Variants in RAD54L2 observed in about 807,000 individuals in gnomAD.
RAD54L2 encodes helicase ARIP4.
In RAD54L2, 27 loss-of-function variants were observed where a neutral mutation model predicts 138.4. The observed-to-expected ratio is 0.20, with a 90% CI of 0.14 to 0.27. RAD54L2 has a LOEUF of 0.27. Ranked by LOEUF, RAD54L2 falls within the 10% of genes least tolerant of loss-of-function variation. The probability of loss-of-function intolerance (pLI) is 1.00; values close to 1 mark genes in which losing one functional copy is unlikely to be tolerated. For synonymous variants in RAD54L2, 644 were observed against 723.2 expected, an observed-to-expected ratio of 0.89 and a Z score of 1.76; for missense variants, 1,396 against 1,890.2, an observed-to-expected ratio of 0.74 and a Z score of 4.85.
At chr3:51,655,160 A>G (rs1051497587) in intron 19 of RAD54L2, among the ~76,000 whole-genome samples, 1 of 152,072 alleles carries the variant, frequency 6.6e-6, no homozygotes, top group African/African-American at 2.4e-5. Flanking sequence ...GTGTTATTTT[A>G]TGTGCCAATC....
intron 7 of RAD54L2, among the ~76,000 whole-genome samples, chr3:51,631,972 T>C (rs886372183): frequency 2.6e-5 from 4 of 152,108 alleles, no homozygotes; most frequent in Admixed American, 1.3e-4. Flanking sequence ...CCAACGTCTC[T>C]TCCTCCCCCT....
chr3:51,587,174 C>T (rs972044032), intron 2 of RAD54L2, among the ~76,000 whole-genome samples: 6 of 151,842 alleles, frequency 4.0e-5, no homozygotes, highest in Middle Eastern at 3.4e-3. Flanking sequence ...GATCTCGGCT[C>T]ACTGCAAGCT....
In RAD54L2 at chr3:51,662,372, C is replaced by A. The variant is rs1701801121; in HGVS notation, c.3410-54C>A. ...TTTTTAATGGAGTTTTCTCCTCTAC[C>A]CTTCTTCTCTCCCTGGCCACTCTGA... is the stretch of plus-strand genomic sequence containing the variant. On this transcript the variant is annotated intron_variant, in intron 22 of 22. Transcript: ENST00000684192. The surrounding 1 kb of genome is among the most constrained non-coding windows in gnomAD (Gnocchi z 4.6). The A allele has an allele frequency of 7.0e-7, 1 of 1,427,108 alleles. No individual in the cohort carries two copies. Among genetic ancestry groups the A allele is most frequent in the Non-Finnish European group, 9.3e-7 (1 of 1,070,506 alleles). The allele number at this position is 1,427,108 out of a possible 1,614,324, so 88.4% of individuals were successfully genotyped here.
chr3:51,626,645 G>A (rs1024010986), intron 3 of RAD54L2, among the ~76,000 whole-genome samples: 3 of 150,954 alleles, frequency 2.0e-5, no homozygotes, highest in Admixed American at 6.6e-5. Flanking sequence ...GGGTTTTGCC[G>A]TGTTTGCCAG....
At chr3:51,659,985 A>G (rs1381039386) in intron 21 of RAD54L2, 41 bp from the exon 22 acceptor site, 2 of 1,489,826 alleles carry the variant, frequency 1.3e-6, no homozygotes, top group Admixed American at 1.8e-5. Flanking sequence ...TGGCTGTATT[A>G]TATGTCTGCC....
intron 2 of RAD54L2, among the ~76,000 whole-genome samples, chr3:51,578,609 C>T (rs1699535805): frequency 6.6e-6 from 1 of 152,164 alleles, no homozygotes; most frequent in South Asian, 2.1e-4. Context: ...CAGGAGTGAA[C>T]TCCGCTCACT....
intron 2 of RAD54L2, among the ~76,000 whole-genome samples, chr3:51,589,701 C>CAA (rs1699798810): frequency 6.6e-6 from 1 of 151,560 alleles, no homozygotes; most frequent in Admixed American, 6.6e-5. Flanking sequence ...CACACACACA[C>CAA]ACACACATAC....
chr3:51,643,758 A>G (rs1701201019), intron 15 of RAD54L2, 117 bp from the exon 16 acceptor site: 1 of 806,008 alleles, frequency 1.2e-6, no homozygotes, highest in Non-Finnish European at 2.1e-6. Flanking sequence ...AAGGGGTGAG[A>G]TCTGAGCACT....
At chr3:51,577,616 T>C (rs1699508239) in intron 2 of RAD54L2, among the ~76,000 whole-genome samples, 1 of 152,218 alleles carries the variant, frequency 6.6e-6, no homozygotes, top group Non-Finnish European at 1.5e-5. Flanking sequence ...TCTTTGTCTC[T>C]TTTGATCTTT....
chr3:51,610,737 T>G (rs1482452878), intron 3 of RAD54L2, among the ~76,000 whole-genome samples: 3 of 151,968 alleles, frequency 2.0e-5, no homozygotes, highest in Admixed American at 1.3e-4. Flanking sequence ...AACTCTCAGC[T>G]CCCAGGCTCT....
At chr3:51,581,400 A>G (rs553894142) in intron 2 of RAD54L2, among the ~76,000 whole-genome samples, 2 of 152,282 alleles carry the variant, frequency 1.3e-5, no homozygotes, top group Admixed American at 1.3e-4. Flanking sequence ...GCCTATTTGC[A>G]TTATAAAAGG....
intron 2 of RAD54L2, among the ~76,000 whole-genome samples, chr3:51,559,023 A>T (rs759082764): frequency 4.0e-5 from 6 of 151,660 alleles, no homozygotes; most frequent in Non-Finnish European, 7.4e-5. Flanking sequence ...ACAGGCGTAT[A>T]CCACCACACC....
Position 51,637,190 on chromosome 3 carries a change from C to T in RAD54L2, c.1369C>T (p.Pro457Ser). The change falls in exon 11 of 23, where the codon CCT (proline) becomes TCT (serine). Residue 457 changes from proline (P) to serine (S), a missense_variant. Coordinates refer to ENST00000684192, the MANE Select transcript of RAD54L2 (RefSeq NM_015106.4). This position sits in a 1 kb window ranked among gnomAD's most constrained non-coding sequence, Gnocchi z 5.9. ...EFEKALCRPG[P>S]DVVICDEGHR... The stretch of plus-strand genomic sequence containing the variant: ...TGAGAAGGCTTTATGCCGCCCTGGC[C>T]CTGATGTAGTAATCTGTGATGAGGG... 1.3e-6 allele frequency: 2 copies of T among 1,589,048 alleles called. No homozygotes were observed. Among genetic ancestry groups the T allele is most frequent in the Non-Finnish European group, 1.7e-6 (2 of 1,167,548 alleles).
chr3:51,571,436 G>T (rs1699334778), intron 2 of RAD54L2, among the ~76,000 whole-genome samples: 2 of 148,722 alleles, frequency 1.3e-5, no homozygotes, highest in Admixed American at 1.4e-4. Flanking sequence ...CTGTTGTCCA[G>T]GCTGGTGTGC....
intron 2 of RAD54L2, among the ~76,000 whole-genome samples, chr3:51,571,785 G>A (rs1222796031): frequency 6.6e-6 from 1 of 151,944 alleles, no homozygotes; most frequent in Non-Finnish European, 1.5e-5. Flanking sequence ...TTCTTCTCAA[G>A]AATTAACATC....
In RAD54L2 at chr3:51,645,848, G is replaced by C; in HGVS notation, c.2829+85G>C. 7.3e-7 allele frequency: 1 copy of C among 1,374,636 alleles called. No individual in the cohort carries two copies. The highest frequency in any genetic ancestry group is 1.5e-5 in the South Asian group (1 of 67,148). 85.2% of individuals were successfully genotyped at this position (1,374,636 alleles called of 1,614,324 possible). A position where few individuals can be genotyped will look rare whatever the true frequency, so the allele number is the denominator to read the frequency against. On this transcript the variant is annotated intron_variant, in intron 18 of 22. Transcript: ENST00000684192. The surrounding 1 kb of genome is among the most constrained non-coding windows in gnomAD (Gnocchi z 6.1). ...GTCTTGTAAGCTTTTTTCTTCATCT[G>C]AGGTGATGTTTCATGCAGGTGACTT...
Position 51,662,435 on chromosome 3 carries a change from G to A in RAD54L2, c.3419G>A (p.Gly1140Glu). ...DGRMAASGSQ[G>E]PSCESTSNGR... Reference sequence around the variant, plus strand: ...TACATTTTGTCCCCAGGTTCCCAGGGACCTTCTTGCGAGTCCACAAGCAAC... The same window carrying A: ...TACATTTTGTCCCCAGGTTCCCAGGAACCTTCTTGCGAGTCCACAAGCAAC... The change falls in exon 23 of 23, where the codon GGA (glycine) becomes GAA (glutamate). Residue 1140 changes from glycine (G) to glutamate (E), a missense_variant. By Grantham distance (98) the Gly-to-Glu change is moderately conservative (BLOSUM62 -2). Around this residue, in one of 7 missense-constraint regions of RAD54L2, gnomAD observed 634 missense variants for 711.2 expected, o/e 0.89. Coordinates refer to ENST00000684192, the MANE Select transcript of RAD54L2 (RefSeq NM_015106.4). The surrounding 1 kb of genome is among the most constrained non-coding windows in gnomAD (Gnocchi z 4.6). The A allele has an allele frequency of 6.6e-7, 1 of 1,519,192 alleles. No homozygotes were observed. Among genetic ancestry groups the A allele is most frequent in the African/African-American group, 1.4e-5 (1 of 71,868 alleles). The allele number at this position is 1,519,192 out of a possible 1,614,324, so 94.1% of individuals were successfully genotyped here.
chr3:51,568,069 G>A (rs540683043), intron 2 of RAD54L2, among the ~76,000 whole-genome samples: 1 of 152,106 alleles, frequency 6.6e-6, no homozygotes, highest in African/African-American at 2.4e-5. Context: ...TTAGTTAGTG[G>A]GAGAGATCAT....
intron 3 of RAD54L2, among the ~76,000 whole-genome samples, chr3:51,618,236 C>T (rs182611172): frequency 2.6e-5 from 4 of 151,912 alleles, no homozygotes; most frequent in African/African-American, 9.7e-5. Context: ...CTTGGCCTCC[C>T]GAAGTGCTGG....
Sources: allele counts gnomAD v4.1 joint callset (sites outside exome capture counted in the v4.1 genomes callset), GRCh38; gene constraint gnomAD v4.1.1; regional missense constraint gnomAD v4.1.1; non-coding constraint Gnocchi (gnomAD v3.1); transcripts MANE v1.5; gene names NCBI Gene and HGNC (gene_info 2026-07-23, HGNC 2026-07-21).